The following SYN1 variants were observed in gnomAD, a reference collection of about 807,000 sequenced individuals.
SYN1 encodes synapsin I, also known as synapsin-1.
A neutral mutation model predicts 44.6 loss-of-function variants in SYN1; 8 were observed. The observed-to-expected ratio is 0.18, with a 90% confidence interval of 0.11 to 0.32. SYN1 has a LOEUF of 0.32. Among genes scored for constraint, SYN1 ranks in the 10% least tolerant of loss-of-function variants. SYN1 has a pLI of 1.00. For missense variants in SYN1, 451 were observed against 639.4 expected, an observed-to-expected ratio of 0.71 and a Z score of 3.18; for synonymous variants, 275 against 280.1, an observed-to-expected ratio of 0.98 and a Z score of 0.18.
chrX:47,604,204 C>T (rs990453477), intron 5 of SYN1, among the ~76,000 whole-genome samples: 11 of 105,138 alleles, frequency 1.0e-4, no homozygotes, highest in Non-Finnish European at 2.0e-4. Context: ...CCACCGCGCC[C>T]GGCCAGTGAT....
chrX:47,595,982 C>T, intron 5 of SYN1, among the ~76,000 whole-genome samples: 1 of 112,554 alleles, frequency 8.9e-6, no homozygotes, highest in Non-Finnish European at 1.9e-5. Flanking sequence ...TTGGTAACAA[C>T]AGGAAGCTGT....
intron 1 of SYN1, among the ~76,000 whole-genome samples, chrX:47,607,744 A>C (rs1305222473): frequency 9.3e-6 from 1 of 107,886 alleles, no homozygotes. Flanking sequence ...AAAAAAAAAA[A>C]ACAAAAGCCG....
chrX:47,576,661 A>C (rs990378618), intron 6 of SYN1, 21 bp from the exon 7 acceptor site: 2 of 1,211,378 alleles, frequency 1.7e-6, no homozygotes, highest in African/African-American at 3.5e-5. Context: ...GCGGGCAAGG[A>C]TCAGGGCCTG....
chrX:47,584,649 C>T (rs1434149466), intron 5 of SYN1, among the ~76,000 whole-genome samples: 1 of 112,171 alleles, frequency 8.9e-6, no homozygotes, highest in African/African-American at 3.2e-5. Context: ...TGTTGTGTCC[C>T]TAACACCCAG....
At chrX:47,582,550 A>G in intron 5 of SYN1, 1 of 356,515 alleles carries the variant, frequency 2.8e-6, no homozygotes, top group Non-Finnish European at 5.6e-6. Context: ...AGGCCCGTGC[A>G]CTCCCGTGCC....
intron 5 of SYN1, chrX:47,585,484 C>T (rs1394301164): frequency 8.4e-7 from 1 of 1,193,668 alleles, no homozygotes; most frequent in Non-Finnish European, 1.1e-6. Flanking sequence ...CCTTTGGCAG[C>T]TTGGCAGCTC....
At chrX:47,588,456 A>G (rs2057835116) in intron 5 of SYN1, among the ~76,000 whole-genome samples, 1 of 112,667 alleles carries the variant, frequency 8.9e-6, no homozygotes, top group South Asian at 3.6e-4. Flanking sequence ...GTGAAGTAGC[A>G]GGGGAAGGAT....
rs897111223 is a variant in SYN1, at chrX:47,574,770, C to A, written c.1311G>T (p.Pro437=). 1.7e-6 allele frequency: 2 copies of A among 1,182,085 alleles called. No individual in the cohort carries two copies. The highest frequency in any genetic ancestry group is 2.5e-5 in the Admixed American group (1 of 40,781). Residue 437 remains proline (P), a synonymous_variant, in exon 11 of 13, where the codon CCG becomes CCT. Coordinates refer to ENST00000295987, the MANE Select transcript of SYN1 (RefSeq NM_006950.3). ...GGCCCAAGGGCAGGGCCCCTGGGGA[C>A]GGAGTCTGCGGCAGAGGAATGGAGC... is the stretch of plus-strand genomic sequence containing the variant. ...SPGRGSHGQT[P]SPGALPLGRQ...
chrX:47,575,089 C>T, intron 10 of SYN1, 39 bp downstream of exon 10: 2 of 1,176,569 alleles, frequency 1.7e-6, no homozygotes, highest in South Asian at 3.8e-5. Context: ...GGCCTCCCCA[C>T]ACTAGCTCAA....
At chrX:47,596,951 TA>T (rs1297073851) in intron 5 of SYN1, among the ~76,000 whole-genome samples, 1 of 111,948 alleles carries the variant, frequency 8.9e-6, no homozygotes, top group African/African-American at 3.2e-5. Flanking sequence ...TTCAAAGAAC[TA>T]AAGGAAACTA....
intron 1 of SYN1, among the ~76,000 whole-genome samples, chrX:47,607,432 CT>C (rs951188666): frequency 8.9e-6 from 1 of 112,094 alleles, no homozygotes; most frequent in African/African-American, 3.2e-5. Context: ...TGGCCTTACA[CT>C]GCAGAGAGCA....
intron 11 of SYN1, 24 bp downstream of exon 11, chrX:47,574,664 T>A: frequency 8.6e-7 from 1 of 1,163,036 alleles, no homozygotes; most frequent in Non-Finnish European, 1.2e-6. Context: ...GGGAGGGGAC[T>A]GCGACCGCCA....
In SYN1 at chrX:47,615,330, G is replaced by T. The variant is rs777263109; in HGVS notation, c.377+4022C>A. Among the ~76,000 whole-genome samples, 14 of 111,311 alleles carry T rather than the reference G, an allele frequency of 1.3e-4. No homozygotes were observed. The East Asian group carries it at 2.2e-3, about 18-fold the overall frequency. On this transcript the variant is annotated intron_variant, in intron 1 of 12. Coordinates refer to ENST00000295987, the MANE Select transcript of SYN1 (RefSeq NM_006950.3). Reference sequence around the variant, plus strand: ...ACCTTTACTATGTGTAATGCAGTCTGATTTTTCTATGCTATTTTATTTCAT... The same window carrying T: ...ACCTTTACTATGTGTAATGCAGTCTTATTTTTCTATGCTATTTTATTTCAT...
At chrX:47,606,556 C>T (rs886528001) in intron 3 of SYN1, among the ~76,000 whole-genome samples, 1 of 108,048 alleles carries the variant, frequency 9.3e-6, no homozygotes, top group South Asian at 4.1e-4. Context: ...AGGACCCCCC[C>T]CATCTCTACA....
intron 1 of SYN1, among the ~76,000 whole-genome samples, chrX:47,617,368 T>C (rs1023693058): frequency 8.1e-5 from 9 of 111,516 alleles, no homozygotes; most frequent in Non-Finnish European, 1.7e-4. Context: ...AATAAGTGTT[T>C]ACTTAAATAG....
intron 1 of SYN1, among the ~76,000 whole-genome samples, chrX:47,613,922 G>T (rs1238100457): frequency 9.0e-6 from 1 of 111,656 alleles, no homozygotes; most frequent in African/African-American, 3.3e-5. Context: ...ACCGGTTTGG[G>T]GACACAGAGG....
Position 47,574,394 on chromosome X carries a change from G to A in SYN1, c.1590C>T (p.Gly530=). ...SQAAPPTQGQ[G]RQSRPVAGGP... ...CTCCCGCCACTGGCCGGGATTGGCG[G>A]CCTTGACCCTGGGTCGGCGGCGCGG... Residue 530 remains glycine, a synonymous_variant, in exon 12 of 13, where the codon GGC becomes GGT. Transcript: ENST00000295987. 2 of 1,027,171 alleles carry A rather than the reference G, an allele frequency of 1.9e-6. No individual in the cohort carries two copies. The highest frequency in any genetic ancestry group is 2.5e-6 in the Non-Finnish European group (2 of 812,942). 84.7% of individuals were successfully genotyped at this position (1,027,171 alleles called of 1,213,427 possible).
At chrX:47,607,287 G>T in intron 1 of SYN1, 89 bp from the exon 2 acceptor site, 1 of 835,867 alleles carries the variant, frequency 1.2e-6, no homozygotes, top group East Asian at 3.2e-5. Context: ...CCCCTTCAAT[G>T]CTACTAAAGA....
intron 3 of SYN1, 93 bp from the exon 4 acceptor site, chrX:47,605,472 C>T: frequency 2.8e-6 from 3 of 1,067,047 alleles, no homozygotes; most frequent in Non-Finnish European, 3.8e-6. Context: ...TCCATAGCTC[C>T]CAGAAATTGC....
Sources: allele counts gnomAD v4.1 joint callset (sites outside exome capture counted in the v4.1 genomes callset), GRCh38; gene constraint gnomAD v4.1.1; transcripts MANE v1.5; gene names NCBI Gene and HGNC (gene_info 2026-07-23, HGNC 2026-07-21).